The following LIMCH1 variants were observed in gnomAD, a reference collection of about 807,000 sequenced individuals.
LIMCH1 encodes the protein LIM and calponin homology domains-containing protein 1.
LIMCH1 carries 113 observed loss-of-function variants against 176.5 expected under a neutral mutation model. The observed-to-expected ratio is 0.64, with a 90% CI of 0.55 to 0.75. The LOEUF is 0.75. LIMCH1 is among the 30% of genes least tolerant of loss of function. The pLI is 0.00. For missense variants in LIMCH1, 1,674 were observed against 1,814.9 expected, an observed-to-expected ratio of 0.92 and a Z score of 1.41; for synonymous variants, 619 against 645.9, an observed-to-expected ratio of 0.96 and a Z score of 0.63.
chr4:41,685,929 CA>C, intron 28 of LIMCH1, 99 bp downstream of exon 28: 1 of 1,308,454 alleles, frequency 7.6e-7, no homozygotes, highest in Non-Finnish European at 1.0e-6. Flanking sequence ...AAGAGGACAG[CA>C]GCATTTTTGT....
chr4:41,696,249 G>A (rs1199754229), intron 31 of LIMCH1, among the ~76,000 whole-genome samples: 14 of 152,146 alleles, frequency 9.2e-5, no homozygotes, highest in Admixed American at 7.9e-4. Flanking sequence ...ACATCAAGCC[G>A]TCACATGTTT....
chr4:41,411,141 A>G (rs1424357141), intron 1 of LIMCH1, among the ~76,000 whole-genome samples: 1 of 152,208 alleles, frequency 6.6e-6, no homozygotes, highest in Non-Finnish European at 1.5e-5. Context: ...TCATTTACAA[A>G]TGTTTCTAAA....
Position 41,676,407 on chromosome 4 carries a change from A to G in LIMCH1, c.3464A>G (p.Glu1155Gly), listed in dbSNP as rs770076979. The G allele has an allele frequency of 9.3e-6, 15 of 1,613,906 alleles. No individual in the cohort carries two copies. The highest frequency in any genetic ancestry group is 1.3e-5 in the African/African-American group (1 of 74,920). Residue 1155 changes from glutamate (E) to glycine (G), a missense_variant, in exon 23 of 32, where the codon GAA becomes GGA. By Grantham distance (98) the Glu-to-Gly change is moderately conservative. Transcript: ENST00000503057. The stretch of plus-strand genomic sequence containing the variant: ...TTTAAGTTCTGGGCATGGGACCCAG[A>G]AGAGGAGCGCAGGCGACAGGAAAAA... ...TPFKFWAWDP[E>G]EERRRQEKWQ...
chr4:41,648,286 C>T (rs1214706217), intron 17 of LIMCH1, among the ~76,000 whole-genome samples: 1 of 152,126 alleles, frequency 6.6e-6, no homozygotes. Context: ...CTAAATAGTG[C>T]AAAGTGATCG....
At chr4:41,412,200 T>C (rs937820580) in intron 1 of LIMCH1, among the ~76,000 whole-genome samples, 1 of 152,166 alleles carries the variant, frequency 6.6e-6, no homozygotes, top group Admixed American at 6.6e-5. Flanking sequence ...TTATTAAAGG[T>C]ACAAATTGAA....
At position 41,671,658 on chromosome 4, in the gene LIMCH1, T is replaced by C. The variant is rs1459001321; in HGVS notation, c.3438+64T>C. 3.1e-5 allele frequency: 40 copies of C among 1,286,442 alleles called. 1 individual carries two copies. The Admixed American group carries it at 6.7e-4, about 22-fold the overall frequency. The allele number at this position is 1,286,442 out of a possible 1,614,324, so 79.7% of individuals were successfully genotyped here. A position where few individuals can be genotyped will look rare whatever the true frequency, so the allele number is the denominator to read the frequency against. Reference sequence around the variant, plus strand: ...TGTGATTTTAATTTATAACATTTGATTGGCTCAAAGAGTATTCAGGCCGGG... The same window carrying C: ...TGTGATTTTAATTTATAACATTTGACTGGCTCAAAGAGTATTCAGGCCGGG... On this transcript the variant is annotated intron_variant, in intron 22 of 31. Transcript: ENST00000503057.
At chr4:41,370,466 A>G (rs950863065) in intron 1 of LIMCH1, among the ~76,000 whole-genome samples, 13 of 152,168 alleles carry the variant, frequency 8.5e-5, no homozygotes, top group Admixed American at 2.0e-4. Flanking sequence ...GTTAATTGTC[A>G]TGACCCAATG....
chr4:41,508,924 G>A (rs11734313), intron 2 of LIMCH1, among the ~76,000 whole-genome samples: 24,339 of 152,144 alleles, frequency 0.16, 2,080 homozygotes, highest in Middle Eastern at 0.25. Flanking sequence ...TTTAGGTCTA[G>A]CTCATGTTTG....
chr4:41,679,067 A>G (rs1158304653), intron 23 of LIMCH1, among the ~76,000 whole-genome samples: 3 of 152,196 alleles, frequency 2.0e-5, no homozygotes, highest in Admixed American at 2.0e-4. Context: ...TAAGATACCA[A>G]TGAAACAGGT....
intron 1 of LIMCH1, among the ~76,000 whole-genome samples, chr4:41,585,249 C>G (rs1186503594): frequency 6.6e-6 from 1 of 152,186 alleles, no homozygotes; most frequent in Non-Finnish European, 1.5e-5. Context: ...TACCTTCTGT[C>G]TCTATGAATT....
At chr4:41,451,162 C>T (rs1180026490) in intron 1 of LIMCH1, among the ~76,000 whole-genome samples, 2 of 152,178 alleles carry the variant, frequency 1.3e-5, no homozygotes, top group Admixed American at 1.3e-4. Flanking sequence ...GGTGCCCAGG[C>T]TGGAGTGCAA....
intron 2 of LIMCH1, among the ~76,000 whole-genome samples, chr4:41,515,450 G>C (rs376402838): frequency 1.3e-5 from 2 of 152,236 alleles, no homozygotes; most frequent in Admixed American, 6.5e-5. Context: ...AGGAGGAGAA[G>C]TGAGCCAGTG....
chr4:41,648,566 A>G (rs760537846), intron 17 of LIMCH1, among the ~76,000 whole-genome samples: 9 of 152,080 alleles, frequency 5.9e-5, no homozygotes, highest in Non-Finnish European at 1.2e-4. Flanking sequence ...TACTGAGTGC[A>G]TGGACAGCAA....
Position 41,547,471 on chromosome 4 carries a change from CCT to C in LIMCH1, c.-241+9122_-241+9123del, listed in dbSNP as rs529751549. Among the ~76,000 whole-genome samples, 419 of 151,326 alleles carry C rather than the reference CCT, an allele frequency of 2.8e-3. 3 individuals are homozygous for C. The highest frequency in any genetic ancestry group is 9.8e-3 in the African/African-American group (404 of 41,076). On this transcript the variant is annotated intron_variant, in intron 1 of 31. Coordinates refer to ENST00000503057, the MANE Select transcript of LIMCH1 (RefSeq NM_001330672.2). ...TAACTGCAGAGGCCCAGCTTCATCC[CCT>C]GTCTTAGCCACTTCCCAGCCCAAGG...
intron 1 of LIMCH1, among the ~76,000 whole-genome samples, chr4:41,390,735 T>A (rs2057138970): frequency 6.6e-6 from 1 of 152,330 alleles, no homozygotes; most frequent in Non-Finnish European, 1.5e-5. Flanking sequence ...ACTTAACATC[T>A]CTAAACTTTG....
upstream of LIMCH1, chr4:41,538,076 CCTCAGAGGGAATGGGCTT>C: frequency 2.8e-6 from 2 of 714,746 alleles, no homozygotes; most frequent in Non-Finnish European, 3.4e-6. Flanking sequence ...CATTCCTTTT[CCTCAGAGGGAATGGGCTT>C]CTCCGCCTCC....
At chr4:41,419,600 T>TG in intron 1 of LIMCH1, among the ~76,000 whole-genome samples, 1 of 69,310 alleles carries the variant, frequency 1.4e-5, no homozygotes, top group East Asian at 3.5e-4. Flanking sequence ...CCTTCCTTCC[T>TG]TCCGTCCTTC....
At chr4:41,602,897 CATTTTTT>C (rs889920190) in intron 2 of LIMCH1, among the ~76,000 whole-genome samples, 2 of 152,004 alleles carry the variant, frequency 1.3e-5, no homozygotes, top group Non-Finnish European at 2.9e-5. Flanking sequence ...AAACATGAAA[CATTTTTT>C]AAATCAAATC....
chr4:41,646,841 C>A lies in LIMCH1; in HGVS notation c.2768C>A (p.Pro923His), dbSNP rs769175851. The A allele has an allele frequency of 6.2e-7, 1 of 1,614,132 alleles. No homozygotes were observed. The change falls in exon 17 of 32, where the codon CCC (proline) becomes CAC (histidine). Residue 923 changes from proline (P) to histidine (H), a missense_variant. By Grantham distance (77) the Pro-to-His change is moderately conservative. This residue lies in a region of LIMCH1 where 1,015 missense variants were observed against 1,102.5 expected (regional missense o/e 0.92). Coordinates refer to ENST00000503057, the MANE Select transcript of LIMCH1 (RefSeq NM_001330672.2). Reference protein sequence around the residue: ...VTPKAVPMLTPKPYSQPKNSQ... With the variant: ...VTPKAVPMLTHKPYSQPKNSQ... ...CCCAAAGCAGTGCCTATGCTGACAC[C>A]CAAGCCTTACTCCCAGCCCAAAAAT...
Sources: allele counts gnomAD v4.1 joint callset (sites outside exome capture counted in the v4.1 genomes callset), GRCh38; gene constraint gnomAD v4.1.1; regional missense constraint gnomAD v4.1.1; transcripts MANE v1.5; gene names NCBI Gene and HGNC (gene_info 2026-07-23, HGNC 2026-07-21).